The following MYT1L variants were observed in gnomAD, a reference collection of about 807,000 sequenced individuals.
The protein encoded by MYT1L is myelin transcription factor 1-like protein.
Under a neutral mutation model 126.7 loss-of-function variants are expected in MYT1L, and 12 were observed. The ratio of observed to expected loss-of-function variants is 0.09; its 90% CI spans 0.06 to 0.15. MYT1L has a LOEUF of 0.15. Among genes scored for constraint, MYT1L ranks in the 10% least tolerant of loss-of-function variants. MYT1L has a pLI of 1.00. For missense variants in MYT1L, 979 were observed against 1,585.2 expected (o/e 0.62, Z 6.49); for synonymous variants, 541 against 604.2 (o/e 0.90, Z 1.53).
At chr2:2,270,345 C>T (rs569316198) in intron 2 of MYT1L, among the ~76,000 whole-genome samples, 1 of 152,234 alleles carries the variant, frequency 6.6e-6, no homozygotes, top group Admixed American at 6.5e-5. Context: ...GGACTGAGAG[C>T]TGCCTGCATC....
intron 2 of MYT1L, among the ~76,000 whole-genome samples, chr2:2,220,319 G>A (rs896917687): frequency 7.9e-5 from 12 of 152,266 alleles, no homozygotes; most frequent in South Asian, 2.1e-4. Context: ...CAACTCCAAG[G>A]GGGTTTGGTG....
rs548987476 is a variant in MYT1L, at chr2:1,995,844, C to T, written c.-1+1347G>A. On this transcript the variant is annotated intron_variant, in intron 5 of 24. Transcript: ENST00000647738. ...CTGCTGCAGGTGACGAGGTGGGCAG[C>T]GGCTCTGCCTAGGACTGCCCCAGGG... Among the ~76,000 whole-genome samples, 9 of 152,262 alleles carry T rather than the reference C, an allele frequency of 5.9e-5. No individual in the cohort carries two copies. The East Asian group carries it at 1.5e-3, about 26-fold the overall frequency.
At chr2:2,058,109 C>A (rs1362640704) in intron 3 of MYT1L, among the ~76,000 whole-genome samples, 7 of 152,138 alleles carry the variant, frequency 4.6e-5, no homozygotes, top group Admixed American at 4.6e-4. Context: ...TTGGTGTTTT[C>A]TTTGTGTTTT....
intron 8 of MYT1L, among the ~76,000 whole-genome samples, chr2:1,957,021 G>A (rs976801984): frequency 6.6e-6 from 1 of 152,196 alleles, no homozygotes; most frequent in Non-Finnish European, 1.5e-5. Flanking sequence ...GGGCCATGAG[G>A]ATGCCTCATG....
chr2:1,950,865 T>C (rs993637254), intron 8 of MYT1L, among the ~76,000 whole-genome samples: 1 of 151,598 alleles, frequency 6.6e-6, no homozygotes, highest in Non-Finnish European at 1.5e-5. Flanking sequence ...GAGAATGAGG[T>C]GGAGGAAAGG....
At chr2:2,185,573 C>T (rs112286066) in intron 2 of MYT1L, among the ~76,000 whole-genome samples, 126 of 123,988 alleles carry the variant, frequency 1.0e-3, no homozygotes, top group Admixed American at 4.1e-3. Flanking sequence ...GCGTTCCTTC[C>T]GTGAGGGGGA....
chr2:2,256,970 T>C (rs1045923178), intron 2 of MYT1L, among the ~76,000 whole-genome samples: 1 of 152,198 alleles, frequency 6.6e-6, no homozygotes, highest in Non-Finnish European at 1.5e-5. Context: ...CATACATAGG[T>C]TGCTGCCTCC....
chr2:2,316,750 A>G (rs2096070976), intron 1 of MYT1L, among the ~76,000 whole-genome samples: 1 of 152,200 alleles, frequency 6.6e-6, no homozygotes, highest in Non-Finnish European at 1.5e-5. Context: ...AGGGAAAGTT[A>G]GGTTTCAGTT....
intron 8 of MYT1L, among the ~76,000 whole-genome samples, chr2:1,955,210 GAA>G: frequency 6.9e-6 from 1 of 144,054 alleles, no homozygotes; most frequent in East Asian, 2.0e-4. Flanking sequence ...AGAAAATGCA[GAA>G]AAAAAAAAAT....
chr2:2,164,888 G>A (rs2088768332), intron 3 of MYT1L, among the ~76,000 whole-genome samples: 1 of 152,158 alleles, frequency 6.6e-6, no homozygotes, highest in Admixed American at 6.6e-5. Flanking sequence ...TCATGAATTG[G>A]ACATGGAACA....
chr2:2,158,469 A>T (rs898211023), intron 3 of MYT1L, among the ~76,000 whole-genome samples: 18 of 152,154 alleles, frequency 1.2e-4, no homozygotes, highest in African/African-American at 4.1e-4. Context: ...GCACCATGAG[A>T]TCGCTCCTTT....
intron 9 of MYT1L, 128 bp from the exon 10 acceptor site, chr2:1,923,391 G>GT (rs1415544907): frequency 3.8e-6 from 3 of 787,364 alleles, no homozygotes; most frequent in Non-Finnish European, 5.9e-6. Context: ...TCACAGAACT[G>GT]TAAGTCCCAT....
chr2:2,144,417 G>A (rs1269149560), intron 3 of MYT1L, among the ~76,000 whole-genome samples: 1 of 152,198 alleles, frequency 6.6e-6, no homozygotes, highest in Admixed American at 6.5e-5. Flanking sequence ...CATATTGTGT[G>A]CTGGAAAACT....
intron 3 of MYT1L, among the ~76,000 whole-genome samples, chr2:2,144,155 G>T (rs905669534): frequency 6.6e-6 from 1 of 152,158 alleles, no homozygotes; most frequent in African/African-American, 2.4e-5. Flanking sequence ...ACCAATGTGC[G>T]TTGGTTGCAC....
chr2:1,984,630 C>A (rs1385492525), intron 5 of MYT1L, among the ~76,000 whole-genome samples: 2 of 151,542 alleles, frequency 1.3e-5, no homozygotes. Flanking sequence ...CTGCCTCAGC[C>A]TCCCGAGTAG....
Position 2,003,696 on chromosome 2 carries a change from T to C in MYT1L, c.-157-6349A>G, listed in dbSNP as rs536768643. On this transcript the variant is annotated intron_variant, in intron 4 of 24. Coordinates refer to ENST00000647738, the MANE Select transcript of MYT1L (RefSeq NM_001303052.2). ...CCTTTGAGGTAAGACAGCACCCTGG[T>C]GTGGGGCCCATGGGTGCTTAGGGCT... Among the ~76,000 whole-genome samples the C allele has an allele frequency of 4.6e-5, 7 of 152,280 alleles. No individual in the cohort carries two copies. In the South Asian group the frequency reaches 1.4e-3, roughly 32 times the overall value.
At chr2:1,946,671 AG>A (rs1445054347) in intron 8 of MYT1L, among the ~76,000 whole-genome samples, 1 of 152,232 alleles carries the variant, frequency 6.6e-6, no homozygotes, top group Non-Finnish European at 1.5e-5. Flanking sequence ...TTTAATCACC[AG>A]ATAATTCAAG....
At chr2:1,865,193 C>T (rs2045294921) in intron 18 of MYT1L, among the ~76,000 whole-genome samples, 2 of 152,164 alleles carry the variant, frequency 1.3e-5, no homozygotes, top group South Asian at 4.1e-4. Flanking sequence ...GACTCAGCGC[C>T]TGCTTTGGGG....
chr2:1,914,054 G>C (rs1254748199), intron 11 of MYT1L, among the ~76,000 whole-genome samples: 2 of 151,968 alleles, frequency 1.3e-5, no homozygotes, highest in Non-Finnish European at 2.9e-5. Context: ...AGGAGTTCGA[G>C]ACCAGCCTCA....
Sources: gnomAD v4.1 joint callset for allele counts (sites outside exome capture counted in the v4.1 genomes callset) on GRCh38, gnomAD v4.1.1 for gene constraint, MANE v1.5 for transcripts, NCBI Gene and HGNC (gene_info 2026-07-23, HGNC 2026-07-21) for gene names.